SYNE2: variants seen among roughly 807,000 people sequenced by gnomAD.
SYNE2 encodes nesprin-2.
A neutral mutation model predicts 856.3 loss-of-function variants in SYNE2; 431 were observed. The observed-to-expected ratio is 0.50, with a 90% confidence interval of 0.47 to 0.55. The LOEUF (loss-of-function observed/expected upper bound fraction) is 0.55. Among genes scored for constraint, SYNE2 ranks in the 20% least tolerant of loss-of-function variants. The pLI is 0.00. For synonymous variants in SYNE2, 2,923 were observed against 2,872.3 expected (o/e 1.02, Z -0.56); for missense variants, 8,129 against 8,023.2 (o/e 1.01, Z -0.50).
chr14:64,063,717 C>T (rs535385407), intron 50 of SYNE2, among the ~76,000 whole-genome samples: 15 of 152,070 alleles, frequency 9.9e-5, no homozygotes, highest in African/African-American at 2.7e-4. Context: ...AAAACAAAAG[C>T]GAACCAAGAA....
rs527640505 is a variant in SYNE2 at position 64,149,569 on chromosome 14, G to A, written c.15640-2995G>A. ...GGAAAATTGTATAGTTGAATAGAGTGGGGAGGTTTGAGATGAGATTATTAA... is the reference window on the plus strand; with the variant it reads ...GGAAAATTGTATAGTTGAATAGAGTAGGGAGGTTTGAGATGAGATTATTAA... On this transcript the variant is annotated intron_variant, in intron 84 of 115. Transcript: ENST00000555002. Among the ~76,000 whole-genome samples the A allele has an allele frequency of 5.3e-5, 8 of 152,286 alleles. 1 individual carries two copies. The highest frequency in any genetic ancestry group is 3.4e-3 in the Middle Eastern group (1 of 294).
chr14:63,910,711 T>C (rs1178467075), intron 2 of SYNE2, among the ~76,000 whole-genome samples: 1 of 152,204 alleles, frequency 6.6e-6, no homozygotes, highest in Non-Finnish European at 1.5e-5. Context: ...AGTTTCCTTA[T>C]TTGTAAAATG....
At position 64,052,928 on chromosome 14, in the gene SYNE2, T is replaced by G. The variant is rs765579629; in HGVS notation, c.9015T>G (p.Phe3005Leu). 6.2e-7 allele frequency: 1 copy of G among 1,612,622 alleles called. No homozygotes were observed. The highest frequency in any genetic ancestry group is 8.5e-7 in the Non-Finnish European group (1 of 1,179,664). ...AGGTATTGAAACTTAAAAAAGTGTTTGACTATATTGGACTAAACTGGGATT... is the reference window on the plus strand; with the variant it reads ...AGGTATTGAAACTTAAAAAAGTGTTGGACTATATTGGACTAAACTGGGATT... ...ILQVLKLKKV[F>L]DYIGLNWDFS... The change falls in exon 48 of 116, where the codon TTT (phenylalanine) becomes TTG (leucine). Residue 3005 changes from phenylalanine (F) to leucine (L), a missense_variant. By Grantham distance (22) the Phe-to-Leu change is conservative. Transcript: ENST00000555002.
At chr14:63,986,008 G>A (rs1273673099) in intron 18 of SYNE2, among the ~76,000 whole-genome samples, 1 of 152,132 alleles carries the variant, frequency 6.6e-6, no homozygotes, top group Non-Finnish European at 1.5e-5. Flanking sequence ...ACCTCATATA[G>A]AAGAAAAAAG....
intron 1 of SYNE2, among the ~76,000 whole-genome samples, chr14:63,831,562 T>TC (rs1414116957): frequency 7.2e-6 from 1 of 138,660 alleles, no homozygotes; most frequent in Non-Finnish European, 1.6e-5. Flanking sequence ...TTTTTTTTTT[T>TC]TTTTTTTTTT....
chr14:63,924,681 A>T (rs2095638442), intron 2 of SYNE2, among the ~76,000 whole-genome samples: 1 of 152,150 alleles, frequency 6.6e-6, no homozygotes, highest in African/African-American at 2.4e-5. Flanking sequence ...ATATAGAAGT[A>T]CAATTAATTT....
intron 1 of SYNE2, among the ~76,000 whole-genome samples, chr14:63,903,343 A>G (rs967514849): frequency 1.1e-4 from 17 of 152,354 alleles, no homozygotes; most frequent in African/African-American, 4.1e-4. Context: ...GAAGTAAAAA[A>G]TTATGAATAT....
At chr14:63,873,012 T>C (rs2094624599) in intron 1 of SYNE2, among the ~76,000 whole-genome samples, 1 of 152,222 alleles carries the variant, frequency 6.6e-6, no homozygotes, top group African/African-American at 2.4e-5. Context: ...TGTTCACGTC[T>C]TTTGCTTATT....
intron 21 of SYNE2, 32 bp from the exon 22 acceptor site, chr14:63,993,803 A>G: frequency 6.3e-7 from 1 of 1,577,804 alleles, no homozygotes; most frequent in Non-Finnish European, 8.6e-7. Context: ...TGAGGCTTTT[A>G]TGATTTTGTT....
intron 15 of SYNE2, 90 bp from the exon 16 acceptor site, chr14:63,980,896 G>A (rs2096580694): frequency 9.2e-7 from 1 of 1,081,652 alleles, no homozygotes; most frequent in Non-Finnish European, 1.4e-6. Flanking sequence ...ATATTATTTT[G>A]CCGCTGTCAA....
At chr14:64,114,036 T>C (rs978966922) in intron 66 of SYNE2, among the ~76,000 whole-genome samples, 3 of 152,244 alleles carry the variant, frequency 2.0e-5, no homozygotes, top group Admixed American at 6.5e-5. Flanking sequence ...TATTATTTTA[T>C]TCAATTTTAG....
chr14:64,137,283 T>C (rs944381795), intron 78 of SYNE2, among the ~76,000 whole-genome samples: 3 of 152,222 alleles, frequency 2.0e-5, no homozygotes, highest in Admixed American at 2.0e-4. Flanking sequence ...CACTGCAGCC[T>C]CTACCTCCTG....
chr14:63,862,891 G>A (rs903062881), intron 1 of SYNE2, among the ~76,000 whole-genome samples: 2 of 151,896 alleles, frequency 1.3e-5, no homozygotes, highest in Admixed American at 1.3e-4. Flanking sequence ...TCTGCCTCCT[G>A]GGTTCAAGTG....
At position 63,813,759 on chromosome 14, in the gene SYNE2, T is replaced by TA. The variant is rs533851384; in HGVS notation, c.-304-38736dup. 6.8e-4 allele frequency among the ~76,000 whole-genome samples: 103 copies of TA among 151,814 alleles called. 1 individual carries two copies. In the South Asian group the frequency reaches 0.016, roughly 24 times the overall value. On this transcript the variant is annotated intron_variant, in intron 1 of 23. Transcript: ENST00000674003. ...CAAAATGGTGAAACTCCGTCTCTAC[T>TA]AAAAAAGTATTAGACCGGGTGTGGT...
intron 45 of SYNE2, among the ~76,000 whole-genome samples, chr14:64,042,612 G>A (rs2097157124): frequency 6.6e-6 from 1 of 152,192 alleles, no homozygotes; most frequent in Non-Finnish European, 1.5e-5. Context: ...CATGAGATCT[G>A]ATGGTTTTAA....
chr14:64,190,559 G>C (rs1263695601), intron 99 of SYNE2: 2 of 698,540 alleles, frequency 2.9e-6, no homozygotes, highest in African/African-American at 1.8e-5. Context: ...GTTAGCATTT[G>C]TGTGTCCCCA....
At chr14:64,113,158 A>G in intron 65 of SYNE2, 183 bp from the exon 66 acceptor site, 3 of 984,892 alleles carry the variant, frequency 3.0e-6, no homozygotes, top group Non-Finnish European at 3.6e-6. Context: ...CTGCTTGGAA[A>G]CCTGTGGCAC....
chr14:64,033,081 T>A (rs2097054311), intron 45 of SYNE2, among the ~76,000 whole-genome samples: 1 of 152,148 alleles, frequency 6.6e-6, no homozygotes, highest in African/African-American at 2.4e-5. Flanking sequence ...GGTGGGAGGA[T>A]CACATGAGCC....
intron 110 of SYNE2, 69 bp from the exon 111 acceptor site, chr14:64,220,368 T>G (rs1253567205): frequency 6.4e-7 from 1 of 1,556,770 alleles, no homozygotes; most frequent in Non-Finnish European, 8.9e-7. Flanking sequence ...TGTTCCCTAC[T>G]GAGGTTCAAA....
Sources: allele counts gnomAD v4.1 joint callset (sites outside exome capture counted in the v4.1 genomes callset), GRCh38; gene constraint gnomAD v4.1.1; transcripts MANE v1.5; gene names NCBI Gene and HGNC (gene_info 2026-07-23, HGNC 2026-07-21).